The following NTM variants were observed in gnomAD, a reference collection of about 807,000 sequenced individuals.
The protein encoded by NTM is neurotrimin, also known as IgLON family member 2.
A neutral mutation model predicts 42.1 loss-of-function variants in NTM; 13 were observed. The observed-to-expected ratio is 0.31, with a 90% CI of 0.20 to 0.49. The LOEUF is 0.49. NTM is among the 20% of genes least tolerant of loss of function. The probability of loss-of-function intolerance (pLI) is 0.99; values close to 1 mark genes in which losing one functional copy is unlikely to be tolerated. For missense variants in NTM, 373 were observed against 452.8 expected (o/e 0.82, Z 1.60); for synonymous variants, 187 against 179.2 (o/e 1.04, Z -0.35).
intron 7 of NTM, among the ~76,000 whole-genome samples, chr11:132,323,334 T>A (rs113299122): frequency 1.3e-4 from 19 of 151,880 alleles, no homozygotes; most frequent in African/African-American, 4.4e-4. Context: ...TAAAAAATGA[T>A]AAAGGGGATA....
chr11:131,585,701 A>G (rs1423655397), intron 1 of NTM, among the ~76,000 whole-genome samples: 1 of 151,850 alleles, frequency 6.6e-6, no homozygotes, highest in Non-Finnish European at 1.5e-5. Flanking sequence ...GCATTTCATC[A>G]AAACACCGAG....
intron 3 of NTM, among the ~76,000 whole-genome samples, chr11:132,176,889 T>A (rs1383184963): frequency 1.3e-5 from 2 of 151,850 alleles, no homozygotes; most frequent in African/African-American, 4.8e-5. Flanking sequence ...CCACCACATC[T>A]GGCTAATTTT....
chr11:131,981,872 C>T (rs1054548866), intron 2 of NTM, among the ~76,000 whole-genome samples: 8 of 152,002 alleles, frequency 5.3e-5, no homozygotes, highest in African/African-American at 1.2e-4. Context: ...ATTAGCTGGG[C>T]GTGGTGTCAG....
chr11:132,053,381 C>A (rs188231572), intron 2 of NTM, among the ~76,000 whole-genome samples: 1 of 152,328 alleles, frequency 6.6e-6, no homozygotes, highest in Admixed American at 6.5e-5. Flanking sequence ...CGGATCCAGG[C>A]ACAGAACTCT....
chr11:132,158,570 G>A (rs1434468463), intron 3 of NTM, among the ~76,000 whole-genome samples: 2 of 152,190 alleles, frequency 1.3e-5, no homozygotes, highest in East Asian at 3.9e-4. Flanking sequence ...GTTCATTGTT[G>A]TTTCCCAAGT....
intron 1 of NTM, among the ~76,000 whole-genome samples, chr11:131,441,260 C>G (rs113716419): frequency 0.042 from 6,366 of 152,236 alleles, 185 homozygotes; most frequent in Admixed American, 0.063. Flanking sequence ...GTGCCATTAT[C>G]CTAATCATGC....
At chr11:131,477,345 C>T (rs1481391004) in intron 1 of NTM, among the ~76,000 whole-genome samples, 1 of 152,068 alleles carries the variant, frequency 6.6e-6, no homozygotes, top group Non-Finnish European at 1.5e-5. Flanking sequence ...GGGACCCTAA[C>T]TCACGTCTCC....
At chr11:131,493,520 T>G (rs1955016981) in intron 1 of NTM, among the ~76,000 whole-genome samples, 1 of 152,116 alleles carries the variant, frequency 6.6e-6, no homozygotes, top group Admixed American at 6.5e-5. Flanking sequence ...TTTGGATTAA[T>G]TTTTCTTCAG....
At chr11:132,049,278 C>T (rs917581930) in intron 2 of NTM, among the ~76,000 whole-genome samples, 4 of 152,150 alleles carry the variant, frequency 2.6e-5, no homozygotes, top group South Asian at 4.1e-4. Context: ...CACCCCCAGG[C>T]GGCCCAGGCA....
intron 1 of NTM, among the ~76,000 whole-genome samples, chr11:131,586,201 G>A (rs1413816359): frequency 6.6e-6 from 1 of 152,028 alleles, no homozygotes. Context: ...AACCTCCCAG[G>A]CTCAAGCAAT....
chr11:131,978,752 T>G (rs186907941), intron 2 of NTM, among the ~76,000 whole-genome samples: 104 of 152,356 alleles, frequency 6.8e-4, no homozygotes, highest in Middle Eastern at 3.4e-3. Context: ...AAATATTGCT[T>G]GCACAACCCA....
intron 1 of NTM, among the ~76,000 whole-genome samples, chr11:131,651,288 A>G (rs1345031995): frequency 6.6e-6 from 1 of 152,258 alleles, no homozygotes; most frequent in African/African-American, 2.4e-5. Flanking sequence ...TAAGCACCAC[A>G]TAAATTCTAG....
intron 4 of NTM, among the ~76,000 whole-genome samples, chr11:132,272,873 C>G (rs956030047): frequency 8.6e-5 from 13 of 152,016 alleles, no homozygotes; most frequent in Non-Finnish European, 1.5e-5. Context: ...GCCTAGTAGT[C>G]CTGGATACAA....
intron 2 of NTM, among the ~76,000 whole-genome samples, chr11:132,000,369 A>G (rs2068960335): frequency 6.6e-6 from 1 of 152,102 alleles, no homozygotes; most frequent in Non-Finnish European, 1.5e-5. Context: ...CTCATCTTTC[A>G]ATGTGGTTTT....
At chr11:131,983,606 C>T (rs1208564335) in intron 2 of NTM, among the ~76,000 whole-genome samples, 1 of 152,038 alleles carries the variant, frequency 6.6e-6, no homozygotes, top group Non-Finnish European at 1.5e-5. Flanking sequence ...GAACTCCTGA[C>T]CTCAGGTAAT....
At chr11:132,315,835 C>T (rs1213807951) in intron 7 of NTM, among the ~76,000 whole-genome samples, 3 of 152,122 alleles carry the variant, frequency 2.0e-5, no homozygotes, top group Admixed American at 6.5e-5. Context: ...CCTTGATCCC[C>T]GAGCCAGTGG....
intron 1 of NTM, among the ~76,000 whole-genome samples, chr11:131,425,641 G>A (rs1249156151): frequency 6.6e-6 from 1 of 152,166 alleles, no homozygotes; most frequent in Non-Finnish European, 1.5e-5. Context: ...GCCTTTGAGG[G>A]AGAAGGGCAA....
chr11:132,033,936 C>T (rs551236504), intron 2 of NTM, among the ~76,000 whole-genome samples: 21 of 152,274 alleles, frequency 1.4e-4, no homozygotes, highest in African/African-American at 4.6e-4. Flanking sequence ...TCATTACAAC[C>T]TGTCTACTTC....
At chr11:131,910,546 G>C (rs992153447) in intron 1 of NTM, among the ~76,000 whole-genome samples, 1 of 151,170 alleles carries the variant, frequency 6.6e-6, no homozygotes, top group Admixed American at 6.6e-5. Context: ...AGGCGGCACC[G>C]GGAGAAAGTG....
Sources: gnomAD v4.1 joint callset for allele counts (sites outside exome capture counted in the v4.1 genomes callset) on GRCh38, gnomAD v4.1.1 for gene constraint, MANE v1.5 for transcripts, NCBI Gene and HGNC (gene_info 2026-07-23, HGNC 2026-07-21) for gene names.